The following OR2T8 variants were observed in gnomAD, a reference collection of about 807,000 sequenced individuals.
OR2T8 encodes olfactory receptor family 2 subfamily T member 8.
For missense variants in OR2T8, 161 were observed against 389.4 expected, an observed-to-expected ratio of 0.41 and a Z score of 4.94; for synonymous variants, 56 against 154.3, an observed-to-expected ratio of 0.36 and a Z score of 4.72.
At position 247,921,586 on chromosome 1, in the gene OR2T8, C is replaced by T. The variant is rs200686078; in HGVS notation, c.569C>T (p.Thr190Ile). ...PVLVRLACAD[T>I]SVFENAMYIC... ...CTGGTGCGTTTGGCTTGTGCTGACA[C>T]TTCAGTCTTCGAAAACGCCATGTAC... The change falls in exon 2 of 2, where the codon ACT becomes ATT. Residue 190 changes from threonine (T) to isoleucine (I), a missense_variant. Physicochemically the swap from Thr to Ile is moderately conservative, Grantham distance 89 (BLOSUM62 -1). Coordinates refer to ENST00000641945, the MANE Select transcript of OR2T8 (RefSeq NM_001005522.2). The T allele has an allele frequency of 2.7e-4, 347 of 1,294,022 alleles. No homozygotes were observed. Among genetic ancestry groups the T allele is most frequent in the African/African-American group, 6.0e-4 (34 of 57,078 alleles). The allele number at this position is 1,294,022 out of a possible 1,614,324, so 80.2% of individuals were successfully genotyped here.
In OR2T8 at chr1:247,921,113, C is replaced by G. The variant is rs369748850; in HGVS notation, c.96C>G (p.Ile32Met). ...TCCTCTTCATGATGGTTCTGAGTAT[C>G]GTTTTGACCTCCCTGTTTGGCAATT... is the stretch of plus-strand genomic sequence containing the variant. ...HQVLFMMVLS[I>M]VLTSLFGNSL... Residue 32 changes from isoleucine (I) to methionine (M), a missense_variant, in exon 2 of 2, where the codon ATC (isoleucine) becomes ATG (methionine). Ile to Met is a conservative substitution (Grantham distance 10, BLOSUM62 1). Coordinates refer to ENST00000641945, the MANE Select transcript of OR2T8 (RefSeq NM_001005522.2). 1.9e-6 allele frequency: 3 copies of G among 1,607,908 alleles called. No homozygotes were observed. The highest frequency in any genetic ancestry group is 2.2e-5 in the East Asian group (1 of 44,796).
chr1:247,921,032 C>G lies in OR2T8; in HGVS notation c.15C>G (p.Ser5Arg). ...TATTTGAAATCATGGAAAATGGGAG[C>G]TATACCTCTTATTTCATTCTCCTAG... MENG[S>R]YTSYFILLGL... is the part of the protein sequence containing the mutation. Residue 5 changes from serine (S) to arginine (R), a missense_variant, in exon 2 of 2, where the codon AGC (serine) becomes AGG (arginine). Ser to Arg is a moderately radical substitution (Grantham distance 110, BLOSUM62 -1). Coordinates refer to ENST00000641945, the MANE Select transcript of OR2T8 (RefSeq NM_001005522.2). 6.2e-7 allele frequency: 1 copy of G among 1,607,300 alleles called. No individual in the cohort carries two copies. Among genetic ancestry groups the G allele is most frequent in the East Asian group, 2.2e-5 (1 of 44,822 alleles).
chr1:247,921,154 T>C lies in OR2T8; in HGVS notation c.137T>C (p.Leu46Pro), dbSNP rs1208557319. ...SLFGNSLMILLIHWDHRLHTP... is the reference protein window; with the variant it reads ...SLFGNSLMILPIHWDHRLHTP... ...TTTGGCAATTCCCTCATGATTCTCC[T>C]GATTCACTGGGACCACCGGCTCCAC... Residue 46 changes from leucine (L) to proline (P), a missense_variant, in exon 2 of 2, where the codon CTG becomes CCG. Physicochemically the swap from Leu to Pro is moderately conservative, Grantham distance 98. Transcript: ENST00000641945. 2 of 1,569,364 alleles carry C rather than the reference T, an allele frequency of 1.3e-6. No individual in the cohort carries two copies. The highest frequency in any genetic ancestry group is 3.1e-5 in the African/African-American group (2 of 63,734).
At position 247,923,004 on chromosome 1, in the gene OR2T8, C is replaced by G. The variant is rs1268479227; in HGVS notation, c.*1048C>G. 2.0e-5 allele frequency among the ~76,000 whole-genome samples: 3 copies of G among 152,110 alleles called. No homozygotes were observed. Among genetic ancestry groups the G allele is most frequent in the Non-Finnish European group, 4.4e-5 (3 of 68,030 alleles). ...ATTATCTATTGCCTATTGATGTAAA[C>G]TGTCTACTTCAGTTTTTGGAAAAAA... On this transcript the variant is annotated 3_prime_UTR_variant, in exon 2 of 2. Transcript: ENST00000641945.
Sources: allele counts gnomAD v4.1 joint callset (sites outside exome capture counted in the v4.1 genomes callset), GRCh38; gene constraint gnomAD v4.1.1; transcripts MANE v1.5; gene names NCBI Gene and HGNC (gene_info 2026-07-23, HGNC 2026-07-21).